The following PIK3C3 variants were observed in gnomAD, a reference collection of about 807,000 sequenced individuals.
PIK3C3 encodes phosphatidylinositol 3-kinase catalytic subunit type 3, also known as PI3-kinase type 3.
In PIK3C3, 95 loss-of-function variants were observed where a neutral mutation model predicts 126.1. The observed-to-expected ratio is 0.75, with a 90% CI of 0.64 to 0.89. The LOEUF (loss-of-function observed/expected upper bound fraction) is 0.89, where lower values mean the gene tolerates loss of function less well. PIK3C3 is among the 40% of genes least tolerant of loss of function. PIK3C3 has a pLI of 0.00. For missense variants in PIK3C3, 829 were observed against 1,063.2 expected (o/e 0.78, Z 3.06); for synonymous variants, 374 against 360.0 (o/e 1.04, Z -0.44).
At chr18:42,081,003 C>A in intron 24 of PIK3C3, 120 bp from the exon 25 acceptor site, 1 of 610,698 alleles carries the variant, frequency 1.6e-6, no homozygotes, top group Non-Finnish European at 2.9e-6. Context: ...TAGCATTTAG[C>A]AAACTAATTA....
intron 21 of PIK3C3, among the ~76,000 whole-genome samples, chr18:42,054,280 G>A (rs1382186184): frequency 6.7e-6 from 1 of 148,788 alleles, no homozygotes; most frequent in Non-Finnish European, 1.5e-5. Context: ...GAGCCAGTCT[G>A]AGTTCCAAAA....
intron 24 of PIK3C3, among the ~76,000 whole-genome samples, chr18:42,077,145 G>A (rs148620807): frequency 1.3e-5 from 2 of 152,296 alleles, no homozygotes; most frequent in East Asian, 3.9e-4. Context: ...AAAACTATGT[G>A]CCTATCTTAA....
At chr18:41,956,114 A>C (rs561928755) in intron 1 of PIK3C3, among the ~76,000 whole-genome samples, 5 of 152,328 alleles carry the variant, frequency 3.3e-5, no homozygotes, top group African/African-American at 1.2e-4. Context: ...AAGCTATCAC[A>C]AATTATTGAC....
chr18:42,015,483 ATTATAACCAGCCCCCTTCCTTCAG>A lies in PIK3C3; in HGVS notation c.1335_1358del (p.Ile446_Val453del). ...CTTTTATTACTTTTTCAGCTCCCAA[ATTATAACCAGCCCCCTTCCTTCAG>A]TCTCTTCACCTCCTCCTGCATCAAA... On this transcript the variant is annotated inframe_deletion, in exon 12 of 25. Coordinates refer to ENST00000262039, the MANE Select transcript of PIK3C3 (RefSeq NM_002647.4). 6.2e-7 allele frequency: 1 copy of A among 1,613,174 alleles called. No homozygotes were observed. Among genetic ancestry groups the A allele is most frequent in the Non-Finnish European group, 8.5e-7 (1 of 1,179,480 alleles).
At chr18:42,013,644 C>T (rs373198041) in intron 11 of PIK3C3, 48 bp downstream of exon 11, 1 of 1,390,444 alleles carries the variant, frequency 7.2e-7, no homozygotes, top group Non-Finnish European at 1.0e-6. Flanking sequence ...TAATTTTTCC[C>T]TTTTCAAATT....
chr18:42,028,544 A>G (rs1178065044), intron 14 of PIK3C3, among the ~76,000 whole-genome samples: 2 of 152,214 alleles, frequency 1.3e-5, no homozygotes, highest in Non-Finnish European at 2.9e-5. Context: ...AAAAATTTAA[A>G]TCACATCTTA....
At chr18:42,051,486 T>C (rs1188984877) in intron 21 of PIK3C3, among the ~76,000 whole-genome samples, 1 of 151,956 alleles carries the variant, frequency 6.6e-6, no homozygotes, top group Admixed American at 6.6e-5. Flanking sequence ...ATTAATATAA[T>C]GGTCCTATTA....
rs2144550026 is a variant in PIK3C3 at position 42,085,181 on chromosome 18, T to G, written c.*4044T>G. ...TAGGTACAATGTAAATACTGGTAAG[T>G]GAAAGTTCATTTTGTTCAGTGCTAT... On this transcript the variant is annotated 3_prime_UTR_variant, in exon 25 of 25. Transcript: ENST00000262039. 6.6e-6 allele frequency: 1 copy of G among 152,280 alleles called. No individual in the cohort carries two copies. The highest frequency in any genetic ancestry group is 1.9e-4 in the East Asian group (1 of 5,196). The allele number at this position is 152,280 out of a possible 1,614,324, so 9.4% of individuals were successfully genotyped here.
At chr18:41,973,641 C>G (rs1182875366) in intron 4 of PIK3C3, among the ~76,000 whole-genome samples, 1 of 152,004 alleles carries the variant, frequency 6.6e-6, no homozygotes, top group Non-Finnish European at 1.5e-5. Flanking sequence ...GTCTTTCACT[C>G]TTTTTCTGAT....
chr18:42,071,495 G>A (rs1407969367), intron 24 of PIK3C3, among the ~76,000 whole-genome samples: 1 of 152,084 alleles, frequency 6.6e-6, no homozygotes. Context: ...CAAGGCAGGC[G>A]AATCACATGA....
chr18:42,001,212 AAAT>A (rs1217943687), intron 9 of PIK3C3, among the ~76,000 whole-genome samples: 1 of 152,244 alleles, frequency 6.6e-6, no homozygotes, highest in African/African-American at 2.4e-5. Context: ...AATAGAATAA[AAAT>A]AATAACTGAT....
chr18:42,085,638 A>G lies in PIK3C3; in HGVS notation c.*4501A>G, dbSNP rs1986383264. On this transcript the variant is annotated 3_prime_UTR_variant, in exon 25 of 25. Transcript: ENST00000262039. ...TCACAGTCAATTTTCTGTTGGTCTA[A>G]TTTTACCAAATAACCCCCTAAATAA... The G allele has an allele frequency of 6.6e-6, 1 of 152,218 alleles. No homozygotes were observed. Among genetic ancestry groups the G allele is most frequent in the African/African-American group, 2.4e-5 (1 of 41,458 alleles). The allele number at this position is 152,218 out of a possible 1,614,324, so 9.4% of individuals were successfully genotyped here. A position where few individuals can be genotyped will look rare whatever the true frequency, so the allele number is the denominator to read the frequency against.
chr18:41,957,756 G>T lies in PIK3C3; in HGVS notation c.255G>T (p.Trp85Cys), dbSNP rs1350512612. The T allele has an allele frequency of 6.2e-7, 1 of 1,606,814 alleles. No individual in the cohort carries two copies. Among genetic ancestry groups the T allele is most frequent in the Middle Eastern group, 1.7e-4 (1 of 6,044 alleles). ...CCTACAAAGCATTTAGTACAAGATG[G>T]AAGTAAGTTTTTTTGTGGCATATGG... ...RTSYKAFSTR[W>C]NWNEWLKLPV... The change falls in exon 2 of 25, where the codon TGG (tryptophan) becomes TGT (cysteine). Residue 85 changes from tryptophan (W) to cysteine (C), a missense_variant and splice_region_variant. Around this residue, in one of 4 missense-constraint regions of PIK3C3, gnomAD observed 313 missense variants for 340.7 expected, o/e 0.92. Transcript: ENST00000262039.
chr18:41,961,560 G>A (rs1980086964), intron 2 of PIK3C3, among the ~76,000 whole-genome samples: 1 of 152,186 alleles, frequency 6.6e-6, no homozygotes, highest in Admixed American at 6.5e-5. Context: ...TTTGTTAAAT[G>A]TTTTAGCAAT....
rs1036883716 is a variant in PIK3C3, at chr18:42,083,696, C to G, written c.*2559C>G. 2 of 152,138 alleles carry G rather than the reference C, an allele frequency of 1.3e-5. No individual in the cohort carries two copies. Among genetic ancestry groups the G allele is most frequent in the African/African-American group, 4.8e-5 (2 of 41,428 alleles). 9.4% of individuals were successfully genotyped at this position (152,138 alleles called of 1,614,324 possible). Reference sequence around the variant, plus strand: ...ACTAATTGCTTCATATGCCTTATCTCATTATTCTGTGAGATAGAATTGTCT... The same window carrying G: ...ACTAATTGCTTCATATGCCTTATCTGATTATTCTGTGAGATAGAATTGTCT... On this transcript the variant is annotated 3_prime_UTR_variant, in exon 25 of 25. Coordinates refer to ENST00000262039, the MANE Select transcript of PIK3C3 (RefSeq NM_002647.4).
At chr18:41,960,586 A>G (rs1053734751) in intron 2 of PIK3C3, among the ~76,000 whole-genome samples, 2 of 152,078 alleles carry the variant, frequency 1.3e-5, no homozygotes, top group Non-Finnish European at 2.9e-5. Context: ...CTTAAGGTTA[A>G]TGAGGGTTAG....
chr18:42,030,891 C>G (rs1983793943), intron 15 of PIK3C3, among the ~76,000 whole-genome samples: 1 of 152,140 alleles, frequency 6.6e-6, no homozygotes, highest in Admixed American at 6.5e-5. Context: ...ACCTTGGCAA[C>G]ACCTCAGTTT....
In PIK3C3 at chr18:42,047,628, T is replaced by G. The variant is rs146688062; in HGVS notation, c.2189-1903T>G. On this transcript the variant is annotated intron_variant, in intron 20 of 24. Transcript: ENST00000262039. ...CCGACTTCTGTGATCAGAATCTTCATTCTAACAGGATTTTCAGGTGATTCT... is the reference window on the plus strand; with the variant it reads ...CCGACTTCTGTGATCAGAATCTTCAGTCTAACAGGATTTTCAGGTGATTCT... Among the ~76,000 whole-genome samples the G allele has an allele frequency of 6.3e-3, 966 of 152,300 alleles. 9 individuals are homozygous for G. Among genetic ancestry groups the G allele is most frequent in the Non-Finnish European group, 9.7e-3 (662 of 68,002 alleles).
At chr18:42,068,908 C>T (rs918763700) in intron 24 of PIK3C3, among the ~76,000 whole-genome samples, 2 of 149,624 alleles carry the variant, frequency 1.3e-5, no homozygotes, top group African/African-American at 4.9e-5. Flanking sequence ...TGAGATTGTG[C>T]CACTGTACTC....
Sources: gnomAD v4.1 joint callset for allele counts (sites outside exome capture counted in the v4.1 genomes callset) on GRCh38, gnomAD v4.1.1 for gene constraint, gnomAD v4.1.1 regional missense constraint, MANE v1.5 for transcripts, NCBI Gene and HGNC (gene_info 2026-07-23, HGNC 2026-07-21) for gene names.